Variants in SETD5 observed in about 807,000 individuals in gnomAD.
The protein encoded by SETD5 is histone-lysine N-methyltransferase SETD5.
A neutral mutation model predicts 153.3 loss-of-function variants in SETD5; 44 were observed. The observed-to-expected ratio is 0.29, with a 90% CI of 0.23 to 0.37. The LOEUF (loss-of-function observed/expected upper bound fraction) is 0.37. Among genes scored for constraint, SETD5 ranks in the 10% least tolerant of loss-of-function variants. The pLI is 1.00. For missense variants in SETD5, 1,544 were observed against 1,768.0 expected (o/e 0.87, Z 2.27); for synonymous variants, 716 against 645.2 (o/e 1.11, Z -1.66).
At position 9,448,609 on chromosome 3, in the gene SETD5, C is replaced by A; in HGVS notation, c.2325C>A (p.Gly775=). 2 of 1,598,914 alleles carry A rather than the reference C, an allele frequency of 1.3e-6. No homozygotes were observed. Among genetic ancestry groups the A allele is most frequent in the South Asian group, 1.1e-5 (1 of 88,856 alleles). ...GTCGAAGGCCCCTTCTGCCTGATGGCACATTCAGCTCCTGTAAGAAGGTAT... is the reference window on the plus strand; with the variant it reads ...GTCGAAGGCCCCTTCTGCCTGATGGAACATTCAGCTCCTGTAAGAAGGTAT... ...ERRRRPLLPD[G]TFSSCKKRWI... is the part of the protein sequence containing the mutation. Residue 775 remains glycine (G), a synonymous_variant, in exon 16 of 23, where the codon GGC becomes GGA. Transcript: ENST00000402198.
intron 2 of SETD5, among the ~76,000 whole-genome samples, chr3:9,426,819 T>C (rs1022868269): frequency 6.6e-6 from 1 of 152,188 alleles, no homozygotes; most frequent in African/African-American, 2.4e-5. Context: ...ATGACAGGAA[T>C]GAGCCACTTC....
chr3:9,415,092 C>G (rs1007388367), intron 1 of SETD5, among the ~76,000 whole-genome samples: 5 of 152,062 alleles, frequency 3.3e-5, no homozygotes, highest in African/African-American at 1.2e-4. Context: ...GAGACAGTAA[C>G]ATAAATGGGA....
chr3:9,426,244 T>TGGCAACAGGGACTCAC, intron 2 of SETD5: 1 of 110,124 alleles, frequency 9.1e-6, no homozygotes, highest in African/African-American at 3.9e-5. Context: ...TTTTTTTTTT[T>TGGCAACAGGGACTCAC]TTTTTTTTGG....
At chr3:9,413,084 G>T (rs1190315648) in intron 1 of SETD5, among the ~76,000 whole-genome samples, 1 of 152,036 alleles carries the variant, frequency 6.6e-6, no homozygotes, top group South Asian at 2.1e-4. Flanking sequence ...GGCTATCATG[G>T]ATCCTGGTAA....
chr3:9,460,941 CAG>C lies in SETD5; in HGVS notation c.2477-3482_2477-3481del, dbSNP rs552740358. ...GGGTGGGTTAGCAAAGACATGATATCAGAAGCAGAAAATAAAGTGATCCGTTT... is the reference window on the plus strand; with the variant it reads ...GGGTGGGTTAGCAAAGACATGATATCAAGCAGAAAATAAAGTGATCCGTTT... On this transcript the variant is annotated intron_variant, in intron 17 of 22. Transcript: ENST00000402198. Among the ~76,000 whole-genome samples the C allele has an allele frequency of 7.2e-5, 11 of 152,114 alleles. No individual in the cohort carries two copies. In the South Asian group the frequency reaches 2.3e-3, roughly 31 times the overall value.
At chr3:9,410,972 T>C (rs2036487391) in intron 1 of SETD5, among the ~76,000 whole-genome samples, 1 of 151,946 alleles carries the variant, frequency 6.6e-6, no homozygotes, top group Non-Finnish European at 1.5e-5. Context: ...CACTGCAACC[T>C]AGGCGTCCCA....
intron 2 of SETD5, among the ~76,000 whole-genome samples, chr3:9,428,621 A>G (rs2039598227): frequency 6.6e-6 from 1 of 152,198 alleles, no homozygotes; most frequent in South Asian, 2.1e-4. Flanking sequence ...AAGTAAACAT[A>G]ACTTTTTGCC....
At chr3:9,417,353 T>C (rs895898214) in intron 1 of SETD5, among the ~76,000 whole-genome samples, 10 of 152,214 alleles carry the variant, frequency 6.6e-5, no homozygotes, top group African/African-American at 2.4e-4. Flanking sequence ...GTTTTTTCCC[T>C]CATTTGGCCA....
At chr3:9,472,615 A>G (rs926104772) in intron 19 of SETD5, among the ~76,000 whole-genome samples, 3 of 152,206 alleles carry the variant, frequency 2.0e-5, no homozygotes, top group African/African-American at 7.2e-5. Flanking sequence ...ATTCCTATTT[A>G]TATCTTGAAA....
chr3:9,467,213 A>AC, intron 18 of SETD5, among the ~76,000 whole-genome samples: 1 of 151,414 alleles, frequency 6.6e-6, no homozygotes, highest in East Asian at 1.9e-4. Flanking sequence ...AAAAAAAAAA[A>AC]AAAAAAAAAA....
intron 17 of SETD5, among the ~76,000 whole-genome samples, chr3:9,461,963 A>G (rs1427251163): frequency 6.6e-6 from 1 of 152,244 alleles, no homozygotes; most frequent in Non-Finnish European, 1.5e-5. Flanking sequence ...AAAATTTAGT[A>G]TCTGGAACAA....
At chr3:9,430,029 C>T (rs946942253) in intron 3 of SETD5, 4 of 1,109,188 alleles carry the variant, frequency 3.6e-6, no homozygotes, top group Non-Finnish European at 4.5e-6. Flanking sequence ...GACTCTTGAT[C>T]CCACAGCCAC....
At chr3:9,431,889 A>T (rs1277108323) in intron 3 of SETD5, 1 of 185,242 alleles carries the variant, frequency 5.4e-6, no homozygotes, top group Non-Finnish European at 1.0e-5. Flanking sequence ...CCATGTGTTC[A>T]GTGGTACAAA....
At chr3:9,440,727 A>C in intron 8 of SETD5, 29 bp downstream of exon 8, 1 of 1,597,620 alleles carries the variant, frequency 6.3e-7, no homozygotes, top group African/African-American at 1.3e-5. Context: ...AGGACTCTCT[A>C]AGTAGCTGAA....
intron 19 of SETD5, among the ~76,000 whole-genome samples, chr3:9,471,161 T>G (rs2045259143): frequency 6.6e-6 from 1 of 152,120 alleles, no homozygotes; most frequent in Non-Finnish European, 1.5e-5. Flanking sequence ...AATTGAGAGG[T>G]TAGAACAGTG....
Position 9,435,746 on chromosome 3 carries a change from C to T in SETD5, c.407C>T (p.Thr136Ile). 1.9e-6 allele frequency: 3 copies of T among 1,597,526 alleles called. No homozygotes were observed. Among genetic ancestry groups the T allele is most frequent in the Non-Finnish European group, 2.6e-6 (3 of 1,173,178 alleles). ...TTTTCAGGTGGGGATAGCAGTGCAA[C>T]AGAAAGCTGGGATGAGGAGCTTTCT... ...DNISGGDSSA[T>I]ESWDEELSPS... The change falls in exon 7 of 23, where the codon ACA (threonine) becomes ATA (isoleucine). Residue 136 changes from threonine to isoleucine, a missense_variant. Thr to Ile is a moderately conservative substitution (Grantham distance 89). Around this residue, in one of 9 missense-constraint regions of SETD5, gnomAD observed 251 missense variants for 326.9 expected, o/e 0.77. Coordinates refer to ENST00000402198, the MANE Select transcript of SETD5 (RefSeq NM_001080517.3).
At chr3:9,465,780 C>A (rs1219750760) in intron 18 of SETD5, among the ~76,000 whole-genome samples, 1 of 152,142 alleles carries the variant, frequency 6.6e-6, no homozygotes, top group East Asian at 1.9e-4. Context: ...TACTCTTTAC[C>A]AGATTATTTA....
At position 9,442,202 on chromosome 3, in the gene SETD5, A is replaced by G; in HGVS notation, c.1034A>G (p.Asn345Ser). 6.2e-7 allele frequency: 1 copy of G among 1,613,256 alleles called. No individual in the cohort carries two copies. The highest frequency in any genetic ancestry group is 8.5e-7 in the Non-Finnish European group (1 of 1,179,844). The change falls in exon 10 of 23, where the codon AAT becomes AGT. Residue 345 changes from asparagine to serine, a missense_variant. Around this residue, in one of 9 missense-constraint regions of SETD5, gnomAD observed 46 missense variants for 111.8 expected, o/e 0.41. Transcript: ENST00000402198. Reference protein sequence around the residue: ...EMCVDARTFGNDARFIRRSCT... With the variant: ...EMCVDARTFGSDARFIRRSCT... The stretch of plus-strand genomic sequence containing the variant: ...TGTGTGGATGCCCGTACTTTCGGTA[A>G]TGATGCTCGGTTCATCAGAAGATCA...
chr3:9,463,392 C>T (rs1575565909), intron 17 of SETD5, among the ~76,000 whole-genome samples: 1 of 152,128 alleles, frequency 6.6e-6, no homozygotes, highest in African/African-American at 2.4e-5. Flanking sequence ...TCCCTTCATA[C>T]CTAGTTCAGT....
Sources: allele counts gnomAD v4.1 joint callset (sites outside exome capture counted in the v4.1 genomes callset), GRCh38; gene constraint gnomAD v4.1.1; regional missense constraint gnomAD v4.1.1; transcripts MANE v1.5; gene names NCBI Gene and HGNC (gene_info 2026-07-23, HGNC 2026-07-21).